BORCS5: variants seen among roughly 807,000 people sequenced by gnomAD.
The protein encoded by BORCS5 is BLOC-1 related complex subunit 5.
BORCS5 carries 17 observed loss-of-function variants against 22.1 expected under a neutral mutation model. The ratio of observed to expected loss-of-function variants is 0.77; its 90% CI spans 0.53 to 1.15. BORCS5 has a LOEUF of 1.15. Ranked by LOEUF, BORCS5 falls within the 50% of genes most tolerant of loss-of-function variation. BORCS5 has a pLI of 0.00. For synonymous variants in BORCS5, 117 were observed against 99.8 expected (o/e 1.17, Z -1.03); for missense variants, 247 against 253.2 (o/e 0.98, Z 0.17).
chr12:12,464,968 G>A (rs1943172444), intron 3 of BORCS5, among the ~76,000 whole-genome samples: 2 of 152,090 alleles, frequency 1.3e-5, no homozygotes, highest in Admixed American at 1.3e-4. Context: ...TTTGGGGTTT[G>A]GGATTTTTGT....
At chr12:12,440,621 C>A (rs188531060) in intron 3 of BORCS5, among the ~76,000 whole-genome samples, 12,257 of 115,910 alleles carry the variant, frequency 0.11, 731 homozygotes, top group East Asian at 0.28. Context: ...AAAAAAAAAA[C>A]CAGGATTTGG....
Position 12,369,876 on chromosome 12 carries a change from C to A in BORCS5, c.202+8527C>A, listed in dbSNP as rs1048479052. Among the ~76,000 whole-genome samples, 3 of 151,704 alleles carry A rather than the reference C, an allele frequency of 2.0e-5. No homozygotes were observed. The South Asian group carries it at 6.3e-4, about 32-fold the overall frequency. ...AGTAGCTGGGACTACAGGTGTGCGT[C>A]ACCATGCCTGTCTAATTTTTTTATT... On this transcript the variant is annotated intron_variant, in intron 2 of 3. Coordinates refer to ENST00000314565, the MANE Select transcript of BORCS5 (RefSeq NM_058169.6).
At chr12:12,409,714 G>A (rs1364781146) in intron 2 of BORCS5, among the ~76,000 whole-genome samples, 1 of 152,130 alleles carries the variant, frequency 6.6e-6, no homozygotes, top group Non-Finnish European at 1.5e-5. Flanking sequence ...CTTTATAGCA[G>A]CATGATTTAT....
At chr12:12,384,496 G>C (rs573546373) in intron 2 of BORCS5, among the ~76,000 whole-genome samples, 2 of 149,458 alleles carry the variant, frequency 1.3e-5, no homozygotes, top group African/African-American at 4.9e-5. Flanking sequence ...TCACACTCCT[G>C]TTTCTTTGTA....
At chr12:12,462,970 A>C (rs553813875) in intron 3 of BORCS5, among the ~76,000 whole-genome samples, 1 of 152,154 alleles carries the variant, frequency 6.6e-6, no homozygotes, top group South Asian at 2.1e-4. Context: ...TTGAATGGCT[A>C]TGGGTGCTCA....
chr12:12,403,883 T>C (rs1017498317), intron 2 of BORCS5, among the ~76,000 whole-genome samples: 2 of 152,210 alleles, frequency 1.3e-5, no homozygotes, highest in African/African-American at 2.4e-5. Flanking sequence ...TGGCAGGATA[T>C]ATTGTGTATT....
rs1943207386 is a variant in BORCS5 at position 12,466,564 on chromosome 12, T to C, written c.*788T>C. ...ATGGCCGTATAGCCTCAGGCCTTCA[T>C]TTCTGAAAAGAAAAAAGCTCAAAAA... On this transcript the variant is annotated 3_prime_UTR_variant, in exon 4 of 4. Transcript: ENST00000314565. 1 of 152,228 alleles carries C rather than the reference T, an allele frequency of 6.6e-6. No individual in the cohort carries two copies. Among genetic ancestry groups the C allele is most frequent in the African/African-American group, 2.4e-5 (1 of 41,452 alleles). The allele number at this position is 152,228 out of a possible 1,614,324, so 9.4% of individuals were successfully genotyped here.
At chr12:12,442,620 A>G (rs985604404) in intron 3 of BORCS5, among the ~76,000 whole-genome samples, 1 of 152,184 alleles carries the variant, frequency 6.6e-6, no homozygotes, top group Non-Finnish European at 1.5e-5. Flanking sequence ...TAGCCCTTTC[A>G]TTGTGCAAAT....
chr12:12,364,154 T>G (rs1445159727), intron 2 of BORCS5, among the ~76,000 whole-genome samples: 1 of 152,042 alleles, frequency 6.6e-6, no homozygotes, highest in East Asian at 1.9e-4. Context: ...GGAGGATGGA[T>G]CACTTCAGGT....
intron 2 of BORCS5, among the ~76,000 whole-genome samples, chr12:12,414,723 GCC>G (rs1941878643): frequency 7.5e-6 from 1 of 133,492 alleles, no homozygotes. Context: ...TGGGGTGGCT[GCC>G]GGGCGGAGAC....
intron 3 of BORCS5, among the ~76,000 whole-genome samples, chr12:12,436,263 T>C (rs1465701007): frequency 6.6e-6 from 1 of 152,354 alleles, no homozygotes; most frequent in Admixed American, 6.5e-5. Flanking sequence ...TGATTCTTAA[T>C]GGTTTTATGG....
intron 3 of BORCS5, among the ~76,000 whole-genome samples, chr12:12,460,539 G>C (rs1374431765): frequency 6.6e-6 from 1 of 152,254 alleles, no homozygotes; most frequent in Non-Finnish European, 1.5e-5. Context: ...GAGGTGGTAA[G>C]AGTGTAGACA....
At chr12:12,465,500 G>A in intron 3 of BORCS5, 46 bp from the exon 4 acceptor site, 1 of 1,551,426 alleles carries the variant, frequency 6.4e-7, no homozygotes, top group Non-Finnish European at 8.9e-7. Flanking sequence ...CTGCGGAGAG[G>A]ACTTGATTAA....
intron 3 of BORCS5, among the ~76,000 whole-genome samples, chr12:12,448,050 A>G (rs1213790316): frequency 1.3e-5 from 2 of 152,096 alleles, no homozygotes; most frequent in Admixed American, 1.3e-4. Flanking sequence ...TATCAGCTAT[A>G]TTTCACGATC....
intron 3 of BORCS5, chr12:12,436,028 A>C (rs935911571): frequency 2.4e-6 from 1 of 425,226 alleles, no homozygotes; most frequent in African/African-American, 2.1e-5. Context: ...TCCTCATGTG[A>C]AAAATGGGGC....
intron 2 of BORCS5, among the ~76,000 whole-genome samples, chr12:12,377,579 A>G (rs1479278436): frequency 6.6e-6 from 1 of 151,958 alleles, no homozygotes; most frequent in East Asian, 1.9e-4. Context: ...GCATTAGGGT[A>G]GTATACTAGA....
intron 2 of BORCS5, among the ~76,000 whole-genome samples, chr12:12,397,323 G>C (rs1275596767): frequency 6.6e-6 from 1 of 152,174 alleles, no homozygotes; most frequent in Non-Finnish European, 1.5e-5. Flanking sequence ...GAATGACCAG[G>C]AACATGCTCA....
chr12:12,462,854 G>A (rs1468468264), intron 3 of BORCS5, among the ~76,000 whole-genome samples: 1 of 151,798 alleles, frequency 6.6e-6, no homozygotes, highest in Non-Finnish European at 1.5e-5. Context: ...ACGGAGTTTC[G>A]CCGTGTTGCC....
intron 3 of BORCS5, among the ~76,000 whole-genome samples, chr12:12,437,115 T>C (rs1182375639): frequency 1.3e-5 from 2 of 152,212 alleles, no homozygotes; most frequent in Non-Finnish European, 2.9e-5. Flanking sequence ...TCCTCTTGAA[T>C]TGTAGCTTCC....
Sources: allele counts gnomAD v4.1 joint callset (sites outside exome capture counted in the v4.1 genomes callset), GRCh38; gene constraint gnomAD v4.1.1; transcripts MANE v1.5; gene names NCBI Gene and HGNC (gene_info 2026-07-23, HGNC 2026-07-21).